Variants in PACS2 observed in about 807,000 individuals in gnomAD.
The protein encoded by PACS2 is PACS1-like protein.
In PACS2, 36 loss-of-function variants were observed where a neutral mutation model predicts 113.0. That is an observed-to-expected ratio of 0.32 (90% confidence interval 0.24 to 0.42). The LOEUF is 0.42. Among genes scored for constraint, PACS2 ranks in the 10% least tolerant of loss-of-function variants. PACS2 has a pLI of 1.00. For missense variants in PACS2, 1,015 were observed against 1,239.5 expected (o/e 0.82, Z 2.72); for synonymous variants, 589 against 536.1 (o/e 1.10, Z -1.36).
At chr14:105,352,967 A>C (rs1477490067) in intron 3 of PACS2, among the ~76,000 whole-genome samples, 60 of 44,272 alleles carry the variant, frequency 1.4e-3, no homozygotes, top group South Asian at 2.4e-3. Flanking sequence ...GGAGACGGGC[A>C]CCCCTCATCA....
chr14:105,363,757 C>T (rs782235615), intron 4 of PACS2, among the ~76,000 whole-genome samples: 1 of 152,114 alleles, frequency 6.6e-6, no homozygotes, highest in Non-Finnish European at 1.5e-5. Flanking sequence ...TAAGGGGCCT[C>T]GCCCTCACCC....
Position 105,355,832 on chromosome 14 carries a change from C to T in PACS2, c.423+655C>T, listed in dbSNP as rs1400448347. On this transcript the variant is annotated intron_variant, in intron 4 of 24. Coordinates refer to ENST00000447393, the MANE Select transcript of PACS2 (RefSeq NM_001100913.3). This position sits in a 1 kb window ranked among gnomAD's most constrained non-coding sequence, Gnocchi z 4.1. ...GAGAAGACACCCCAGGCTGAGGCCT[C>T]GGACTTTCTCATGGACCCTTTCGGG... 2.0e-5 allele frequency among the ~76,000 whole-genome samples: 3 copies of T among 152,158 alleles called. No individual in the cohort carries two copies. The highest frequency in any genetic ancestry group is 2.9e-5 in the Non-Finnish European group (2 of 68,020).
At position 105,367,249 on chromosome 14, in the gene PACS2, A is replaced by G. The variant is rs781942725; in HGVS notation, c.460A>G (p.Ser154Gly). Residue 154 changes from serine to glycine, a missense_variant, in exon 5 of 25, where the codon AGC becomes GGC. Physicochemically the swap from Ser to Gly is moderately conservative, Grantham distance 56 (BLOSUM62 0). This residue lies in a region of PACS2 where 859 missense variants were observed against 1,056.8 expected (regional missense o/e 0.81). Transcript: ENST00000447393. ...CCCGTCTGAAGGTGGCCAGGTGCTGAGCCTCTGCAGCAGCATCAAGGAGGC... is the reference window on the plus strand; with the variant it reads ...CCCGTCTGAAGGTGGCCAGGTGCTGGGCCTCTGCAGCAGCATCAAGGAGGC... ...QHPSEGGQVL[S>G]LCSSIKEAPV... 6.2e-7 allele frequency: 1 copy of G among 1,613,098 alleles called. No individual in the cohort carries two copies.
At position 105,330,477 on chromosome 14, in the gene PACS2, A is replaced by G. The variant is rs139234344; in HGVS notation, c.119+15440A>G. On this transcript the variant is annotated intron_variant, in intron 1 of 24. Transcript: ENST00000447393. The surrounding 1 kb of genome is among the most constrained non-coding windows in gnomAD (Gnocchi z 6.9). The stretch of plus-strand genomic sequence containing the variant: ...ACACAGGGGAAGGTTACTGTGCCGC[A>G]GAGTTTTCTTTCCGAGCACTCAATG... 2.6e-5 allele frequency among the ~76,000 whole-genome samples: 4 copies of G among 152,154 alleles called. No individual in the cohort carries two copies. Among genetic ancestry groups the G allele is most frequent in the African/African-American group, 9.7e-5 (4 of 41,440 alleles).
In PACS2 at chr14:105,379,871, T is replaced by C. The variant is rs115561398; in HGVS notation, c.1050+42T>C. 8.4e-5 allele frequency: 131 copies of C among 1,567,454 alleles called. 1 individual carries two copies. In the African/African-American group the frequency reaches 1.6e-3, roughly 19 times the overall value. ...TGATCTCCCAGAGCAGACCGTGGTC[T>C]GACTGGGCTGTGGTGTGGCCCAAAT... is the stretch of plus-strand genomic sequence containing the variant. On this transcript the variant is annotated intron_variant, in intron 10 of 24. Coordinates refer to ENST00000447393, the MANE Select transcript of PACS2 (RefSeq NM_001100913.3).
chr14:105,302,378 T>C (rs1566880970), intron 1 of PACS2, among the ~76,000 whole-genome samples: 1 of 151,360 alleles, frequency 6.6e-6, no homozygotes, highest in African/African-American at 2.4e-5. Flanking sequence ...TAATTTTGTA[T>C]TTTTAGTAGA....
At position 105,392,629 on chromosome 14, in the gene PACS2, G is replaced by A. The variant is rs587608008; in HGVS notation, c.2266G>A (p.Gly756Ser). ...CTCTGCCTTTCCCAGCCAGGGTGTC[G>A]GCGCCGAGCTGATGGGGCTGCAGGT... ...GGLSSPSQGV[G>S]AELMGLQVDY... Residue 756 changes from glycine (G) to serine (S), a missense_variant, in exon 23 of 25, where the codon GGC becomes AGC. Coordinates refer to ENST00000447393, the MANE Select transcript of PACS2 (RefSeq NM_001100913.3). The A allele has an allele frequency of 1.4e-5, 22 of 1,606,924 alleles. No homozygotes were observed. Among genetic ancestry groups the A allele is most frequent in the African/African-American group, 9.3e-5 (7 of 74,880 alleles).
At chr14:105,374,469 C>A (rs2061271341) in intron 8 of PACS2, 1 of 152,184 alleles carries the variant, frequency 6.6e-6, no homozygotes, top group African/African-American at 2.4e-5. Context: ...AAAATAAAGA[C>A]ACAGACAGTC....
chr14:105,326,115 G>T (rs2059093659), intron 1 of PACS2, among the ~76,000 whole-genome samples: 1 of 152,260 alleles, frequency 6.6e-6, no homozygotes, highest in Non-Finnish European at 1.5e-5. Context: ...AAATAATTGG[G>T]CAAGACTTTT....
rs1309313687 is a variant in PACS2 at position 105,365,887 on chromosome 14, G to A, written c.424-1326G>A. Among the ~76,000 whole-genome samples, 1 of 152,264 alleles carries A rather than the reference G, an allele frequency of 6.6e-6. No individual in the cohort carries two copies. The highest frequency in any genetic ancestry group is 2.4e-5 in the African/African-American group (1 of 41,472). On this transcript the variant is annotated intron_variant, in intron 4 of 24. Transcript: ENST00000447393. This position sits in a 1 kb window ranked among gnomAD's most constrained non-coding sequence, Gnocchi z 5.1. The stretch of plus-strand genomic sequence containing the variant: ...TACGTGAAGCTGCGTGTGCCCCGGC[G>A]AGTTGTGGGCACGAGGGCGTCAGCA...
At position 105,393,216 on chromosome 14, in the gene PACS2, T is replaced by A; in HGVS notation, c.2483-6T>A. ...GATGACAGCAGGGCCTCTTTTCTCC[T>A]CCCAGTGATGTTTCTGCCCAAGAAA... On this transcript the variant is annotated splice_polypyrimidine_tract_variant and splice_region_variant and intron_variant, in intron 23 of 24. Transcript: ENST00000447393. 6.2e-7 allele frequency: 1 copy of A among 1,607,794 alleles called. No homozygotes were observed. The highest frequency in any genetic ancestry group is 1.7e-4 in the Middle Eastern group (1 of 6,056).
rs2081501266 is a variant in PACS2, at chr14:105,395,303, GCCTGCCCCCACTTCCCCAGCC to G, written c.*640_*660del. ...CCTGGGGCTGGGCAGAGCCAGCAGA[GCCTGCCCCCACTTCCCCAGCC>G]CCTGCCCCACCCCGCCTCACACCTT... is the stretch of plus-strand genomic sequence containing the variant. On this transcript the variant is annotated 3_prime_UTR_variant, in exon 25 of 25. Coordinates refer to ENST00000447393, the MANE Select transcript of PACS2 (RefSeq NM_001100913.3). The G allele has an allele frequency of 6.6e-6, 1 of 152,362 alleles. No individual in the cohort carries two copies. The highest frequency in any genetic ancestry group is 2.1e-4 in the South Asian group (1 of 4,828). 9.4% of individuals were successfully genotyped at this position (152,362 alleles called of 1,614,324 possible). A position where few individuals can be genotyped will look rare whatever the true frequency, so the allele number is the denominator to read the frequency against.
At position 105,376,959 on chromosome 14, in the gene PACS2, C is replaced by A. The variant is rs28489821; in HGVS notation, c.959+34C>A. On this transcript the variant is annotated intron_variant, in intron 9 of 24. Transcript: ENST00000447393. The surrounding 1 kb of genome is among the most constrained non-coding windows in gnomAD (Gnocchi z 4.7). Reference sequence around the variant, plus strand: ...TACAGGGCGGGGCGGGGAGGAACAGCCATTTCAGATGCCCCGGCCACTCTG... The same window carrying A: ...TACAGGGCGGGGCGGGGAGGAACAGACATTTCAGATGCCCCGGCCACTCTG... 6.0e-3 allele frequency: 9,280 copies of A among 1,553,112 alleles called. 499 individuals carry two copies. The African/African-American group carries it at 0.11, about 19-fold the overall frequency.
intron 1 of PACS2, among the ~76,000 whole-genome samples, chr14:105,318,215 T>C (rs1329659178): frequency 6.6e-6 from 1 of 152,226 alleles, no homozygotes; most frequent in Non-Finnish European, 1.5e-5. Context: ...ACTCCTGGGC[T>C]CAAGTGATCC....
intron 21 of PACS2, 37 bp downstream of exon 21, chr14:105,391,286 C>T (rs1376835268): frequency 9.1e-6 from 14 of 1,534,704 alleles, no homozygotes; most frequent in African/African-American, 4.1e-5. Flanking sequence ...GTGAGTGGCC[C>T]GTGGGTGGGC....
rs782073675 is a variant in PACS2 at position 105,389,950 on chromosome 14, C to T, written c.2034-11C>T. 7.4e-6 allele frequency: 12 copies of T among 1,613,158 alleles called. No individual in the cohort carries two copies. Among genetic ancestry groups the T allele is most frequent in the Non-Finnish European group, 9.3e-6 (11 of 1,179,304 alleles). ...TGAGGAGAGCTTAACTGTCTGTTTCCTTGCTCTTAGCCCTGACGAAGAGTC... is the reference window on the plus strand; with the variant it reads ...TGAGGAGAGCTTAACTGTCTGTTTCTTTGCTCTTAGCCCTGACGAAGAGTC... On this transcript the variant is annotated splice_polypyrimidine_tract_variant and intron_variant, in intron 19 of 24. Coordinates refer to ENST00000447393, the MANE Select transcript of PACS2 (RefSeq NM_001100913.3).
At chr14:105,368,411 G>A in intron 6 of PACS2, 48 bp from the exon 7 acceptor site, 7 of 1,437,962 alleles carry the variant, frequency 4.9e-6, no homozygotes, top group Non-Finnish European at 6.9e-6. Flanking sequence ...GGTCCTGCCA[G>A]CACTATGCAG....
Position 105,348,139 on chromosome 14 carries a change from G to C in PACS2, c.120-354G>C, listed in dbSNP as rs2060012865. Among the ~76,000 whole-genome samples, 1 of 152,180 alleles carries C rather than the reference G, an allele frequency of 6.6e-6. No homozygotes were observed. Among genetic ancestry groups the C allele is most frequent in the African/African-American group, 2.4e-5 (1 of 41,446 alleles). On this transcript the variant is annotated intron_variant, in intron 1 of 24. Coordinates refer to ENST00000447393, the MANE Select transcript of PACS2 (RefSeq NM_001100913.3). The surrounding 1 kb of genome is among the most constrained non-coding windows in gnomAD (Gnocchi z 6.4). ...GGGAGGCCTGTGCTCTCACAGCTGG[G>C]AGCTGGCTCAGGACTCTCAGATCTT...
At position 105,368,061 on chromosome 14, in the gene PACS2, G is replaced by C. The variant is rs782670410; in HGVS notation, c.587-13G>C. On this transcript the variant is annotated splice_polypyrimidine_tract_variant and intron_variant, in intron 5 of 24. Coordinates refer to ENST00000447393, the MANE Select transcript of PACS2 (RefSeq NM_001100913.3). ...TCTCACGGCACCCTCCCTTCTGTCT[G>C]TTCATTCCGCAGATAACTACTCCGA... 3.1e-6 allele frequency: 5 copies of C among 1,589,166 alleles called. No homozygotes were observed. Among genetic ancestry groups the C allele is most frequent in the Non-Finnish European group, 4.3e-6 (5 of 1,157,824 alleles).
Sources: gnomAD v4.1 joint callset for allele counts (sites outside exome capture counted in the v4.1 genomes callset) on GRCh38, gnomAD v4.1.1 for gene constraint, gnomAD v4.1.1 regional missense constraint, Gnocchi (gnomAD v3.1) non-coding constraint, MANE v1.5 for transcripts, NCBI Gene and HGNC (gene_info 2026-07-23, HGNC 2026-07-21) for gene names.